The following PRKCB variants were observed in gnomAD, a reference collection of about 807,000 sequenced individuals.
PRKCB encodes the protein protein kinase C beta type.
PRKCB carries 13 observed loss-of-function variants against 81.5 expected under a neutral mutation model. That is an observed-to-expected ratio of 0.16 (90% CI 0.10 to 0.25). The LOEUF is 0.25. Among genes scored for constraint, PRKCB ranks in the 10% least tolerant of loss-of-function variants. The pLI, the probability that PRKCB is intolerant of heterozygous loss-of-function variation, is 1.00. For synonymous variants in PRKCB, 335 were observed against 321.4 expected, an observed-to-expected ratio of 1.04 and a Z score of -0.45; for missense variants, 509 against 875.7, an observed-to-expected ratio of 0.58 and a Z score of 5.29.
chr16:23,870,611 C>G (rs1007593618), intron 2 of PRKCB, among the ~76,000 whole-genome samples: 3 of 152,196 alleles, frequency 2.0e-5, no homozygotes, highest in Non-Finnish European at 2.9e-5. Context: ...TTTCTTGTGG[C>G]ATGCCAGAGT....
intron 5 of PRKCB, among the ~76,000 whole-genome samples, chr16:24,048,577 C>T (rs1965796218): frequency 6.6e-6 from 1 of 151,990 alleles, no homozygotes; most frequent in Non-Finnish European, 1.5e-5. Context: ...GCAACCTCCG[C>T]CTCCCTGGTT....
intron 2 of PRKCB, among the ~76,000 whole-genome samples, chr16:23,957,825 A>G (rs1964370052): frequency 6.6e-6 from 1 of 152,084 alleles, no homozygotes; most frequent in Admixed American, 6.6e-5. Context: ...GGGATTGCAA[A>G]TCGTTAAGGG....
At position 23,906,959 on chromosome 16, in the gene PRKCB, G is replaced by A. The variant is rs144877433; in HGVS notation, c.205+69553G>A. ...ATTTATTAAACCAGAAATACTCTGT[G>A]TAGGAACAGTGGGTTTCCTGGGTGG... On this transcript the variant is annotated intron_variant, in intron 2 of 16. Coordinates refer to ENST00000643927, the MANE Select transcript of PRKCB (RefSeq NM_002738.7). 2.1e-3 allele frequency among the ~76,000 whole-genome samples: 325 copies of A among 152,172 alleles called. 3 individuals are homozygous for A. The highest frequency in any genetic ancestry group is 7.4e-3 in the African/African-American group (308 of 41,530).
chr16:24,052,573 G>A (rs1965855646), intron 5 of PRKCB, among the ~76,000 whole-genome samples: 1 of 152,124 alleles, frequency 6.6e-6, no homozygotes, highest in Non-Finnish European at 1.5e-5. Context: ...GGAAAGGGGT[G>A]GCAGATTCCC....
intron 3 of PRKCB, among the ~76,000 whole-genome samples, chr16:23,994,803 A>G (rs747796421): frequency 1.6e-4 from 24 of 152,198 alleles, no homozygotes; most frequent in Non-Finnish European, 1.5e-4. Flanking sequence ...GAGCAGTTTT[A>G]TTGCAGCTGG....
chr16:24,190,525 T>C (rs1967774141), intron 15 of PRKCB, among the ~76,000 whole-genome samples: 1 of 142,188 alleles, frequency 7.0e-6, no homozygotes, highest in Admixed American at 7.0e-5. Flanking sequence ...TTTGGTTTTG[T>C]TTTTTTTTTT....
chr16:24,167,707 A>G (rs1967369864), intron 10 of PRKCB, among the ~76,000 whole-genome samples: 1 of 152,164 alleles, frequency 6.6e-6, no homozygotes, highest in Non-Finnish European at 1.5e-5. Context: ...ACACATCCAT[A>G]CAATGTCTAG....
intron 2 of PRKCB, among the ~76,000 whole-genome samples, chr16:23,875,725 A>G (rs1963000108): frequency 1.1e-5 from 1 of 91,492 alleles, no homozygotes; most frequent in Non-Finnish European, 2.2e-5. Context: ...TATGTATATC[A>G]CACATATATA....
chr16:23,966,002 T>C (rs539379379), intron 2 of PRKCB, among the ~76,000 whole-genome samples: 14 of 152,216 alleles, frequency 9.2e-5, no homozygotes, highest in African/African-American at 1.2e-4. Context: ...CCATCTGTGA[T>C]TTTACACATT....
chr16:23,886,767 T>C lies in PRKCB; in HGVS notation c.205+49361T>C, dbSNP rs902081846. ...TCAGCAGGGGCTCAGTATGGGCCTATCATCATTTTCATTTATCTCCTTTTA... is the reference window on the plus strand; with the variant it reads ...TCAGCAGGGGCTCAGTATGGGCCTACCATCATTTTCATTTATCTCCTTTTA... On this transcript the variant is annotated intron_variant, in intron 2 of 16. Transcript: ENST00000643927. 4.6e-5 allele frequency among the ~76,000 whole-genome samples: 7 copies of C among 152,266 alleles called. No homozygotes were observed. In the South Asian group the frequency reaches 1.0e-3, roughly 23 times the overall value.
At chr16:24,196,975 ACT>A (rs1386174427) in intron 16 of PRKCB, among the ~76,000 whole-genome samples, 1 of 152,094 alleles carries the variant, frequency 6.6e-6, no homozygotes, top group Non-Finnish European at 1.5e-5. Flanking sequence ...TAAAGGGCAG[ACT>A]CTGTCGCTGA....
chr16:23,886,495 C>A (rs961050932), intron 2 of PRKCB, among the ~76,000 whole-genome samples: 2 of 149,094 alleles, frequency 1.3e-5, no homozygotes, highest in Non-Finnish European at 3.0e-5. Context: ...TCACTGCAAC[C>A]TCCGCCTCCT....
intron 5 of PRKCB, among the ~76,000 whole-genome samples, chr16:24,089,045 C>A (rs948239830): frequency 6.6e-6 from 1 of 152,182 alleles, no homozygotes; most frequent in Non-Finnish European, 1.5e-5. Flanking sequence ...AGATGTGTCA[C>A]TCCAAGATCC....
intron 9 of PRKCB, among the ~76,000 whole-genome samples, chr16:24,148,439 G>A (rs1967026223): frequency 6.6e-6 from 1 of 152,174 alleles, no homozygotes; most frequent in Admixed American, 6.5e-5. Context: ...CTATCTCAGT[G>A]TCTGACACAT....
chr16:24,134,969 A>T (rs997003990), intron 9 of PRKCB, among the ~76,000 whole-genome samples: 4 of 152,124 alleles, frequency 2.6e-5, no homozygotes, highest in Admixed American at 2.0e-4. Context: ...TCCATGAAAA[A>T]AAAAGCAAAA....
intron 2 of PRKCB, among the ~76,000 whole-genome samples, chr16:23,957,277 T>C (rs1295062811): frequency 6.6e-6 from 1 of 152,136 alleles, no homozygotes; most frequent in African/African-American, 2.4e-5. Context: ...TGTTCAAGGA[T>C]TGAGATTCTG....
chr16:24,139,554 G>A (rs1218508376), intron 9 of PRKCB, among the ~76,000 whole-genome samples: 1 of 152,072 alleles, frequency 6.6e-6, no homozygotes, highest in Non-Finnish European at 1.5e-5. Flanking sequence ...GAGATGACTG[G>A]GCTAAATGCA....
chr16:23,890,788 A>C (rs186057654), intron 2 of PRKCB, among the ~76,000 whole-genome samples: 35 of 152,206 alleles, frequency 2.3e-4, no homozygotes, highest in African/African-American at 7.7e-4. Context: ...CAGAAACAAC[A>C]ACCTTTCTGG....
Position 24,026,222 on chromosome 16 carries a change from G to A in PRKCB, c.289-5914G>A, listed in dbSNP as rs181551294. ...AGGTGGAAGGGTCGCTTGAACCTGG[G>A]AGGCAGAGGCTGCGGTGAGCTATGA... On this transcript the variant is annotated intron_variant, in intron 3 of 16. Coordinates refer to ENST00000643927, the MANE Select transcript of PRKCB (RefSeq NM_002738.7). Among the ~76,000 whole-genome samples the A allele has an allele frequency of 1.5e-3, 224 of 152,312 alleles. 1 individual carries two copies. Among genetic ancestry groups the A allele is most frequent in the African/African-American group, 5.2e-3 (217 of 41,570 alleles).
Sources: gnomAD v4.1 joint callset for allele counts (sites outside exome capture counted in the v4.1 genomes callset) on GRCh38, gnomAD v4.1.1 for gene constraint, MANE v1.5 for transcripts, NCBI Gene and HGNC (gene_info 2026-07-23, HGNC 2026-07-21) for gene names.